Variants in CYP11A1 observed in about 807,000 individuals in gnomAD.
CYP11A1 encodes the protein cytochrome P450 family 11 subfamily A member 1.
CYP11A1 carries 25 observed loss-of-function variants against 51.9 expected under a neutral mutation model. The observed-to-expected ratio is 0.48, with a 90% CI of 0.35 to 0.67. The LOEUF is 0.67. CYP11A1 is among the 30% of genes least tolerant of loss of function. CYP11A1 has a pLI of 0.00. For missense variants in CYP11A1, 578 were observed against 680.9 expected, an observed-to-expected ratio of 0.85 and a Z score of 1.68; for synonymous variants, 245 against 262.1, an observed-to-expected ratio of 0.93 and a Z score of 0.63.
At chr15:74,351,513 T>C (rs991094616) in intron 1 of CYP11A1, among the ~76,000 whole-genome samples, 1 of 152,192 alleles carries the variant, frequency 6.6e-6, no homozygotes, top group Non-Finnish European at 1.5e-5. Flanking sequence ...GCTACTCTTA[T>C]AAAGTTCATA....
At chr15:74,342,857 A>T in intron 5 of CYP11A1, 120 bp downstream of exon 5, 2 of 1,034,384 alleles carry the variant, frequency 1.9e-6, no homozygotes, top group Non-Finnish European at 3.0e-6. Flanking sequence ...AAGGAGGAAG[A>T]CATATCCTAC....
chr15:74,347,951 G>C lies in CYP11A1; in HGVS notation c.374C>G (p.Pro125Arg). The change falls in exon 2 of 9, where the codon CCC becomes CGC. Residue 125 changes from proline to arginine, a missense_variant. By Grantham distance (103) the Pro-to-Arg change is moderately radical. Coordinates refer to ENST00000268053, the MANE Select transcript of CYP11A1 (RefSeq NM_000781.3). ...GTAATACTGGTGATAGGCGACCCAG[G>C]GCGGGATGAGGAATCGTTCTGGGTT... is the stretch of plus-strand genomic sequence containing the variant. ...GPNPERFLIP[P>R]WVAYHQYYQR... 1 of 1,614,186 alleles carries C rather than the reference G, an allele frequency of 6.2e-7. No homozygotes were observed. Among genetic ancestry groups the C allele is most frequent in the Non-Finnish European group, 8.5e-7 (1 of 1,180,018 alleles).
chr15:74,366,272 C>A, intron 1 of CYP11A1: 1 of 938,126 alleles, frequency 1.1e-6, no homozygotes, highest in Non-Finnish European at 1.3e-6. Flanking sequence ...AATCTCCCTC[C>A]CCCGATTTTT....
intron 1 of CYP11A1, among the ~76,000 whole-genome samples, chr15:74,357,283 T>C (rs552733521): frequency 6.6e-6 from 1 of 152,348 alleles, no homozygotes; most frequent in South Asian, 2.1e-4. Context: ...ACCTGGGCTG[T>C]ACTGCTGCAA....
chr15:74,364,424 CATAGG>C (rs1467338576), intron 1 of CYP11A1: 1 of 152,180 alleles, frequency 6.6e-6, no homozygotes, highest in African/African-American at 2.4e-5. Flanking sequence ...ATATCCTCTC[CATAGG>C]GTGTATGACT....
chr15:74,363,873 CA>C (rs1308127882), intron 1 of CYP11A1: 1 of 152,206 alleles, frequency 6.6e-6, no homozygotes. Context: ...TTTTTTTCAA[CA>C]AAATTCTGGG....
intron 1 of CYP11A1, among the ~76,000 whole-genome samples, chr15:74,351,898 T>C (rs1334713966): frequency 1.3e-5 from 2 of 152,218 alleles, no homozygotes; most frequent in East Asian, 3.8e-4. Context: ...GAGACTGCTT[T>C]AGCCAAAATT....
chr15:74,343,882 G>A lies in CYP11A1; in HGVS notation c.736C>T (p.Pro246Ser). 1 of 1,613,992 alleles carries A rather than the reference G, an allele frequency of 6.2e-7. No individual in the cohort carries two copies. The highest frequency in any genetic ancestry group is 8.5e-7 in the Non-Finnish European group (1 of 1,180,030). Residue 246 changes from proline to serine, a missense_variant, in exon 4 of 9, where the codon CCC becomes TCC. Transcript: ENST00000268053. ...AGGTCTGGGGGAAGGTTGAGCATGG[G>A]GACGCTGGTGTGGAACATCTGGTAG... ...AIYQMFHTSVPMLNLPPDLFR... is the reference protein window; with the variant it reads ...AIYQMFHTSVSMLNLPPDLFR...
At chr15:74,366,113 C>T (rs1195407474) in intron 1 of CYP11A1, 5 of 985,430 alleles carry the variant, frequency 5.1e-6, no homozygotes, top group Non-Finnish European at 6.0e-6. Flanking sequence ...GCGAAGAGCG[C>T]AGGAGCAGGC....
intron 1 of CYP11A1, among the ~76,000 whole-genome samples, chr15:74,355,395 C>A (rs899830881): frequency 1.3e-5 from 2 of 152,164 alleles, no homozygotes; most frequent in African/African-American, 4.8e-5. Context: ...GTACCTGACA[C>A]CCAGGCATTC....
chr15:74,339,050 AC>A (rs2060593466), intron 7 of CYP11A1, among the ~76,000 whole-genome samples, 186 bp downstream of exon 7: 1 of 151,920 alleles, frequency 6.6e-6, no homozygotes, highest in Admixed American at 6.5e-5. Flanking sequence ...CTCCCTCCTA[AC>A]CCTGGGTTCC....
intron 8 of CYP11A1, 115 bp downstream of exon 8, chr15:74,338,456 T>C: frequency 9.2e-7 from 1 of 1,090,054 alleles, no homozygotes; most frequent in South Asian, 1.3e-5. Context: ...TGGAGGTAGA[T>C]GCGCCCCAGC....
chr15:74,348,143 C>T, intron 1 of CYP11A1, 88 bp from the exon 2 acceptor site: 2 of 1,489,284 alleles, frequency 1.3e-6, no homozygotes, highest in Non-Finnish European at 1.8e-6. Context: ...AGTTCCACAA[C>T]TTGCTGACTG....
At chr15:74,365,446 G>A (rs973677140) in intron 1 of CYP11A1, 1 of 155,028 alleles carries the variant, frequency 6.5e-6, no homozygotes, top group Non-Finnish European at 1.4e-5. Context: ...CTAGCTGGGT[G>A]ACCTCTCTGA....
rs2060711591 is a variant in CYP11A1 at position 74,362,142 on chromosome 15, T to C, written c.269+5175A>G. On this transcript the variant is annotated intron_variant, in intron 1 of 8. Coordinates refer to ENST00000268053, the MANE Select transcript of CYP11A1 (RefSeq NM_000781.3). ...ATTTGCTCGCAGTATCCTAGAATCT[T>C]TGTGCTCTCGCTGCAGTTCCCTTCC... 6.9e-6 allele frequency: 5 copies of C among 729,262 alleles called. 1 individual carries two copies. The highest frequency in any genetic ancestry group is 1.2e-5 in the Non-Finnish European group (5 of 429,712). 45.2% of individuals were successfully genotyped at this position (729,262 alleles called of 1,614,324 possible).
intron 8 of CYP11A1, 81 bp downstream of exon 8, chr15:74,338,490 A>C: frequency 9.5e-5 from 132 of 1,394,992 alleles, no homozygotes; most frequent in Non-Finnish European, 1.2e-4. Context: ...GGCTCTGGAC[A>C]GAGATAGGAG....
chr15:74,352,199 AAATAG>A (rs1206004622), intron 1 of CYP11A1, among the ~76,000 whole-genome samples: 1 of 152,150 alleles, frequency 6.6e-6, no homozygotes, highest in Non-Finnish European at 1.5e-5. Context: ...GGTGGAATAA[AAATAG>A]AAATGCCTTC....
At chr15:74,362,752 G>A (rs1163108114) in intron 1 of CYP11A1, 2 of 152,120 alleles carry the variant, frequency 1.3e-5, no homozygotes. Context: ...ATTTTTTCTT[G>A]CTTATGCCTT....
rs111738979 is a variant in CYP11A1, at chr15:74,357,575, G to A, written c.270-9520C>T. ...GATCCCATAGATCCTAAATTCTTTC[G>A]CCACTCCTCTTTCTGTTCCTTAAAA... On this transcript the variant is annotated intron_variant, in intron 1 of 8. Coordinates refer to ENST00000268053, the MANE Select transcript of CYP11A1 (RefSeq NM_000781.3). Among the ~76,000 whole-genome samples the A allele has an allele frequency of 8.0e-4, 121 of 151,888 alleles. 1 individual carries two copies. The highest frequency in any genetic ancestry group is 1.2e-3 in the Non-Finnish European group (84 of 67,958).
Sources: allele counts gnomAD v4.1 joint callset (sites outside exome capture counted in the v4.1 genomes callset), GRCh38; gene constraint gnomAD v4.1.1; transcripts MANE v1.5; gene names NCBI Gene and HGNC (gene_info 2026-07-23, HGNC 2026-07-21).